AP1G1: variants seen among roughly 807,000 people sequenced by gnomAD.
The protein encoded by AP1G1 is adaptor related protein complex 1 subunit gamma 1.
In AP1G1, 7 loss-of-function variants were observed where a neutral mutation model predicts 108.3. That is an observed-to-expected ratio of 0.06 (90% CI 0.04 to 0.12). The LOEUF (loss-of-function observed/expected upper bound fraction) is 0.12, where lower values mean the gene tolerates loss of function less well. AP1G1 is among the 10% of genes least tolerant of loss of function. The pLI, the probability that AP1G1 is intolerant of heterozygous loss-of-function variation, is 1.00. For synonymous variants in AP1G1, 379 were observed against 353.5 expected, an observed-to-expected ratio of 1.07 and a Z score of -0.81; for missense variants, 756 against 1,010.7, an observed-to-expected ratio of 0.75 and a Z score of 3.42.
chr16:71,803,455 C>T (rs2032880336), intron 1 of AP1G1, among the ~76,000 whole-genome samples: 1 of 152,032 alleles, frequency 6.6e-6, no homozygotes. Context: ...TCATCCTAAA[C>T]CTTGCCCTTT....
At chr16:71,778,370 T>C (rs1215662896) in intron 2 of AP1G1, among the ~76,000 whole-genome samples, 1 of 152,182 alleles carries the variant, frequency 6.6e-6, no homozygotes, top group Non-Finnish European at 1.5e-5. Flanking sequence ...GCTGAGAACA[T>C]ACCATGTTTA....
At chr16:71,758,942 A>G in intron 10 of AP1G1, 21 bp from the exon 11 acceptor site, 1 of 1,385,336 alleles carries the variant, frequency 7.2e-7, no homozygotes, top group Non-Finnish European at 1.0e-6. Context: ...CAGTTGCAAA[A>G]TAACAGAGTT....
intron 6 of AP1G1, among the ~76,000 whole-genome samples, chr16:71,768,523 G>A (rs2031417158): frequency 1.1e-5 from 1 of 91,496 alleles, no homozygotes; most frequent in Non-Finnish European, 2.3e-5. Context: ...AGAGAGAAGG[G>A]AGTACTTAAG....
intron 6 of AP1G1, among the ~76,000 whole-genome samples, chr16:71,768,496 G>A (rs1398209024): frequency 2.3e-3 from 8 of 3,490 alleles, no homozygotes; most frequent in East Asian, 0.036. Context: ...GCCAGACTCC[G>A]CCACAAAAAA....
In AP1G1 at chr16:71,773,030, A is replaced by C. The variant is rs577280593; in HGVS notation, c.468+191T>G. ...TGCCACCTAGGATATATCCAGTAAC[A>C]TTTGTTTGTTTATAAATCATTTCCT... On this transcript the variant is annotated intron_variant, in intron 4 of 22. Transcript: ENST00000299980. 5.5e-6 allele frequency: 4 copies of C among 727,786 alleles called. No homozygotes were observed. In the Admixed American group the frequency reaches 8.2e-5, roughly 15 times the overall value. The allele number at this position is 727,786 out of a possible 1,614,324, so 45.1% of individuals were successfully genotyped here. A position where few individuals can be genotyped will look rare whatever the true frequency, so the allele number is the denominator to read the frequency against.
intron 1 of AP1G1, among the ~76,000 whole-genome samples, chr16:71,802,320 GCAGTGGCA>G (rs1214022190): frequency 6.6e-6 from 1 of 152,078 alleles, no homozygotes; most frequent in Non-Finnish European, 1.5e-5. Context: ...AGGCTGGAGT[GCAGTGGCA>G]CAGTCTTAGC....
chr16:71,808,530 A>T, intron 1 of AP1G1: 1 of 1,281,144 alleles, frequency 7.8e-7, no homozygotes, highest in Non-Finnish European at 1.0e-6. Context: ...ACAACACGGA[A>T]CGCCGCGGCG....
chr16:71,734,242 T>C (rs1417470335), intron 22 of AP1G1, among the ~76,000 whole-genome samples: 1 of 152,236 alleles, frequency 6.6e-6, no homozygotes, highest in East Asian at 1.9e-4. Context: ...TTAAAATGCC[T>C]CTATTTTTCT....
intron 1 of AP1G1, chr16:71,806,816 G>T: frequency 1.8e-5 from 13 of 742,238 alleles, no homozygotes; most frequent in Non-Finnish European, 2.5e-5. Context: ...TGAAAAATCT[G>T]CTTAAATAAC....
chr16:71,764,286 A>G, intron 9 of AP1G1, 64 bp downstream of exon 9: 1 of 905,014 alleles, frequency 1.1e-6, no homozygotes. Context: ...GAAGTACTGA[A>G]GTCCAAGTCA....
At chr16:71,736,555 T>C (rs1297444863) in intron 21 of AP1G1, among the ~76,000 whole-genome samples, 2 of 26,986 alleles carry the variant, frequency 7.4e-5, no homozygotes, top group Non-Finnish European at 1.8e-4. Context: ...TAATTTATTA[T>C]TTATTTATTT....
intron 2 of AP1G1, among the ~76,000 whole-genome samples, chr16:71,786,220 G>A (rs901968173): frequency 2.2e-4 from 33 of 152,070 alleles, no homozygotes; most frequent in Non-Finnish European, 4.4e-4. Context: ...AACCTTAAAA[G>A]CACATTCTAT....
At chr16:71,745,381 C>T in intron 18 of AP1G1, 92 bp downstream of exon 18, 1 of 1,604,850 alleles carries the variant, frequency 6.2e-7, no homozygotes, top group South Asian at 1.1e-5. Flanking sequence ...TCAACCAACC[C>T]AGGAACATTA....
intron 21 of AP1G1, 50 bp from the exon 22 acceptor site, chr16:71,734,757 G>A (rs1396557303): frequency 2.7e-6 from 4 of 1,470,082 alleles, no homozygotes; most frequent in African/African-American, 1.4e-5. Flanking sequence ...CACAACGCTA[G>A]GTCAGAGATA....
At chr16:71,756,213 C>T in intron 11 of AP1G1, 54 bp from the exon 12 acceptor site, 1 of 1,556,108 alleles carries the variant, frequency 6.4e-7, no homozygotes, top group Non-Finnish European at 8.7e-7. Context: ...GGAAATGAAA[C>T]AAAGACCCAG....
intron 9 of AP1G1, 66 bp downstream of exon 9, chr16:71,764,284 G>C: frequency 6.7e-6 from 6 of 890,758 alleles, no homozygotes; most frequent in Non-Finnish European, 1.0e-5. Flanking sequence ...CTGAAGTACT[G>C]AAGTCCAAGT....
At chr16:71,756,207 A>G (rs773476287) in intron 11 of AP1G1, 48 bp from the exon 12 acceptor site, 5 of 1,572,604 alleles carry the variant, frequency 3.2e-6, no homozygotes, top group Non-Finnish European at 4.3e-6. Context: ...TATAGTGGAA[A>G]TGAAACAAAG....
intron 1 of AP1G1, 122 bp from the exon 2 acceptor site, chr16:71,789,604 T>G (rs893629869): frequency 1.0e-6 from 1 of 975,168 alleles, no homozygotes; most frequent in African/African-American, 1.6e-5. Context: ...AAATCCAGCT[T>G]AGCGAAGCTA....
chr16:71,739,872 C>T (rs1049965705), intron 19 of AP1G1, among the ~76,000 whole-genome samples: 9 of 151,780 alleles, frequency 5.9e-5, no homozygotes, highest in Admixed American at 2.6e-4. Context: ...AACAGATAAC[C>T]CAATTTAAAA....
Sources: allele counts gnomAD v4.1 joint callset (sites outside exome capture counted in the v4.1 genomes callset), GRCh38; gene constraint gnomAD v4.1.1; transcripts MANE v1.5; gene names NCBI Gene and HGNC (gene_info 2026-07-23, HGNC 2026-07-21).